TENM4: variants seen among roughly 807,000 people sequenced by gnomAD.
The protein encoded by TENM4 is teneurin transmembrane protein 4, also known as teneurin-4.
TENM4 carries 82 observed loss-of-function variants against 243.3 expected under a neutral mutation model. The ratio of observed to expected loss-of-function variants is 0.34; its 90% CI spans 0.28 to 0.40. The LOEUF (loss-of-function observed/expected upper bound fraction) is 0.40, where lower values mean the gene tolerates loss of function less well. Among genes scored for constraint, TENM4 ranks in the 10% least tolerant of loss-of-function variants. The probability of loss-of-function intolerance (pLI) is 1.00; values close to 1 mark genes in which losing one functional copy is unlikely to be tolerated. For missense variants in TENM4, 3,138 were observed against 3,673.3 expected (o/e 0.85, Z 3.77); for synonymous variants, 1,412 against 1,456.3 (o/e 0.97, Z 0.69).
intron 2 of TENM4, among the ~76,000 whole-genome samples, chr11:79,286,115 G>A (rs1334942314): frequency 1.3e-5 from 2 of 152,154 alleles, no homozygotes; most frequent in Non-Finnish European, 2.9e-5. Context: ...AATGGAAACA[G>A]CTGATTTGCT....
In TENM4 at chr11:79,182,289, T is replaced by C. The variant is rs188708068; in HGVS notation, c.-162-33483A>G. ...TAGAGAACCCAGAAATAAATCTACA[T>C]AAATACAGTCAACTGATTTTTGACA... is the stretch of plus-strand genomic sequence containing the variant. On this transcript the variant is annotated intron_variant, in intron 3 of 33. Coordinates refer to ENST00000278550, the MANE Select transcript of TENM4 (RefSeq NM_001098816.3). 3.5e-3 allele frequency among the ~76,000 whole-genome samples: 531 copies of C among 152,264 alleles called. 8 individuals are homozygous for C. In the South Asian group the frequency reaches 0.039, roughly 11 times the overall value.
At chr11:79,437,140 G>A (rs897954562) in intron 1 of TENM4, among the ~76,000 whole-genome samples, 14 of 152,308 alleles carry the variant, frequency 9.2e-5, no homozygotes, top group African/African-American at 2.4e-4. Flanking sequence ...CACCCTCACC[G>A]GAGAAAACGG....
chr11:78,958,429 G>A (rs1857251950), intron 6 of TENM4, among the ~76,000 whole-genome samples: 1 of 152,332 alleles, frequency 6.6e-6, no homozygotes, highest in Admixed American at 6.5e-5. Context: ...ACTGTGACTA[G>A]TTGATATTTT....
intron 6 of TENM4, among the ~76,000 whole-genome samples, chr11:79,058,743 C>T (rs941763975): frequency 1.3e-5 from 2 of 152,160 alleles, no homozygotes; most frequent in Non-Finnish European, 2.9e-5. Flanking sequence ...TTCTAGCTCA[C>T]AGATTCCGAG....
chr11:79,245,615 C>T (rs1003611526), intron 2 of TENM4, among the ~76,000 whole-genome samples: 2 of 152,084 alleles, frequency 1.3e-5, no homozygotes, highest in African/African-American at 4.8e-5. Flanking sequence ...TAGCATATAA[C>T]ACTTTATAGA....
At chr11:79,435,441 A>T (rs776110614) in intron 1 of TENM4, among the ~76,000 whole-genome samples, 1 of 152,180 alleles carries the variant, frequency 6.6e-6, no homozygotes, top group Non-Finnish European at 1.5e-5. Context: ...TTTCAGTTAC[A>T]ATAAAAGCCA....
chr11:79,175,524 AAG>A (rs1257262371), intron 3 of TENM4, among the ~76,000 whole-genome samples: 1 of 152,216 alleles, frequency 6.6e-6, no homozygotes, highest in Non-Finnish European at 1.5e-5. Context: ...AAATAAGCCT[AAG>A]AGATGAATAT....
intron 9 of TENM4, among the ~76,000 whole-genome samples, chr11:78,876,102 C>T (rs533542715): frequency 2.0e-5 from 3 of 152,100 alleles, no homozygotes; most frequent in South Asian, 2.1e-4. Context: ...CCATTCCAGC[C>T]GAACAAGTTA....
chr11:78,921,404 C>T (rs894008266), intron 6 of TENM4, among the ~76,000 whole-genome samples: 3 of 152,224 alleles, frequency 2.0e-5, no homozygotes, highest in African/African-American at 7.2e-5. Flanking sequence ...CTCTGTTTTT[C>T]TCTCTCTCTA....
chr11:79,418,170 T>C (rs1260609636), intron 1 of TENM4, among the ~76,000 whole-genome samples: 1 of 152,140 alleles, frequency 6.6e-6, no homozygotes, highest in Non-Finnish European at 1.5e-5. Context: ...CAATTTAAAA[T>C]TCTATTCTAG....
intron 12 of TENM4, among the ~76,000 whole-genome samples, chr11:78,836,632 T>C (rs935315848): frequency 6.6e-6 from 1 of 152,224 alleles, no homozygotes; most frequent in Non-Finnish European, 1.5e-5. Flanking sequence ...AACAGCAGGC[T>C]CGAGTTTTCA....
At chr11:79,190,184 G>A (rs756736903) in intron 3 of TENM4, among the ~76,000 whole-genome samples, 15 of 152,150 alleles carry the variant, frequency 9.9e-5, no homozygotes, top group Admixed American at 3.3e-4. Flanking sequence ...TCACCACCAC[G>A]GCATTTTAAA....
chr11:79,032,318 C>A (rs571034979), intron 6 of TENM4, among the ~76,000 whole-genome samples: 2 of 152,218 alleles, frequency 1.3e-5, no homozygotes, highest in East Asian at 1.9e-4. Context: ...AATTTGTAAC[C>A]CTGGATGTAG....
chr11:79,355,327 G>T (rs1254106000), intron 1 of TENM4, among the ~76,000 whole-genome samples: 1 of 152,178 alleles, frequency 6.6e-6, no homozygotes, highest in Non-Finnish European at 1.5e-5. Context: ...GAGGTCAGGA[G>T]TTCAAGACCA....
intron 6 of TENM4, among the ~76,000 whole-genome samples, chr11:78,964,992 C>T (rs2136547653): frequency 6.6e-6 from 1 of 152,216 alleles, no homozygotes; most frequent in East Asian, 1.9e-4. Context: ...CTCAGCCTCC[C>T]CAGTAGCTGG....
intron 4 of TENM4, among the ~76,000 whole-genome samples, chr11:79,138,700 A>G (rs1862175577): frequency 9.1e-6 from 1 of 109,438 alleles, no homozygotes; most frequent in African/African-American, 3.8e-5. Flanking sequence ...TTATATTTAT[A>G]TAAATACATA....
In TENM4 at chr11:78,676,290, C is replaced by T; in HGVS notation, c.5358G>A (p.Leu1786=). 3 of 1,612,846 alleles carry T rather than the reference C, an allele frequency of 1.9e-6. No individual in the cohort carries two copies. The highest frequency in any genetic ancestry group is 2.5e-6 in the Non-Finnish European group (3 of 1,178,982). The change falls in exon 30 of 34, where the codon TTG becomes TTA. Residue 1786 remains leucine (L), a synonymous_variant. Coordinates refer to ENST00000278550, the MANE Select transcript of TENM4 (RefSeq NM_001098816.3). ...MEVALQTEPH[L]LAGTVNPTVG... ...CGGTGGGGTTGACGGTGCCAGCCAG[C>T]AAGTGGGGCTCAGTCTGCAGCGCCA...
chr11:79,406,874 T>C (rs868456955), intron 1 of TENM4, among the ~76,000 whole-genome samples: 5 of 152,188 alleles, frequency 3.3e-5, no homozygotes, highest in African/African-American at 1.2e-4. Context: ...AAGCATATTA[T>C]GATAGAAGAG....
chr11:78,924,274 T>A (rs909285889), intron 6 of TENM4, among the ~76,000 whole-genome samples: 3 of 152,140 alleles, frequency 2.0e-5, no homozygotes, highest in Admixed American at 6.5e-5. Context: ...CTGGCCTGAG[T>A]ATGGCAGAGC....
Sources: gnomAD v4.1 joint callset for allele counts (sites outside exome capture counted in the v4.1 genomes callset) on GRCh38, gnomAD v4.1.1 for gene constraint, MANE v1.5 for transcripts, NCBI Gene and HGNC (gene_info 2026-07-23, HGNC 2026-07-21) for gene names.